The following RNF144B variants were observed in gnomAD, a reference collection of about 807,000 sequenced individuals.
RNF144B encodes the protein ring finger protein 144B.
RNF144B carries 25 observed loss-of-function variants against 40.2 expected under a neutral mutation model. The observed-to-expected ratio is 0.62, with a 90% CI of 0.45 to 0.87. The LOEUF (loss-of-function observed/expected upper bound fraction) is 0.87, where lower values mean the gene tolerates loss of function less well. Among genes scored for constraint, RNF144B ranks in the 40% least tolerant of loss-of-function variants. The probability of loss-of-function intolerance (pLI) is 0.00; values close to 1 mark genes in which losing one functional copy is unlikely to be tolerated. For missense variants in RNF144B, 365 were observed against 373.7 expected, an observed-to-expected ratio of 0.98 and a Z score of 0.19; for synonymous variants, 145 against 136.3, an observed-to-expected ratio of 1.06 and a Z score of -0.44.
At position 18,410,994 on chromosome 6, in the gene RNF144B, C is replaced by T. The variant is rs1396382123; in HGVS notation, c.165+11295C>T. Among the ~76,000 whole-genome samples the T allele has an allele frequency of 1.4e-5, 2 of 147,838 alleles. No individual in the cohort carries two copies. Among genetic ancestry groups the T allele is most frequent in the South Asian group, 2.1e-4 (1 of 4,684 alleles). ...TTCTTTTTTTTTCTTCTTTTCTTTTCTTTTTTTTTGAGACGGAGTCTCATT... is the reference window on the plus strand; with the variant it reads ...TTCTTTTTTTTTCTTCTTTTCTTTTTTTTTTTTTTGAGACGGAGTCTCATT... On this transcript the variant is annotated intron_variant, in intron 2 of 7. Coordinates refer to ENST00000259939, the MANE Select transcript of RNF144B (RefSeq NM_182757.4). This position sits in a 1 kb window ranked among gnomAD's most constrained non-coding sequence, Gnocchi z 4.6.
At chr6:18,399,394 G>T in intron 1 of RNF144B, 105 bp from the exon 2 acceptor site, 1 of 779,744 alleles carries the variant, frequency 1.3e-6, no homozygotes, top group Non-Finnish European at 2.0e-6. Context: ...TGTAAGTTTT[G>T]GGATAACTGA....
At chr6:18,407,991 T>C (rs909682675) in intron 2 of RNF144B, among the ~76,000 whole-genome samples, 2 of 149,934 alleles carry the variant, frequency 1.3e-5, no homozygotes, top group African/African-American at 4.9e-5. Flanking sequence ...TTTCTTTTTT[T>C]TTTTTTTTTT....
chr6:18,427,582 G>A lies in RNF144B; in HGVS notation c.167G>A (p.Cys56Tyr). 1 of 1,611,164 alleles carries A rather than the reference G, an allele frequency of 6.2e-7. No homozygotes were observed. The highest frequency in any genetic ancestry group is 8.5e-7 in the Non-Finnish European group (1 of 1,177,712). The change falls in exon 3 of 8, where the codon TGC (cysteine) becomes TAC (tyrosine). Residue 56 changes from cysteine (C) to tyrosine (Y), a missense_variant and splice_region_variant. By Grantham distance (194) the Cys-to-Tyr change is radical. Coordinates refer to ENST00000259939, the MANE Select transcript of RNF144B (RefSeq NM_182757.4). Reference protein sequence around the residue: ...QECQCIFCTACLKQYMQLAIR... With the variant: ...QECQCIFCTAYLKQYMQLAIR... ...TGTCTTTTTTTTCTTAACTTCCAGT[G>A]CCTGAAACAGTACATGCAGCTGGCA...
rs893922721 is a variant in RNF144B at position 18,416,102 on chromosome 6, G to A, written c.166-11479G>A. Reference sequence around the variant, plus strand: ...GGAGAAAGTAGAAGGATGTAAACTTGGCAAGCCTTCTTGTTTTCTTTCTCC... The same window carrying A: ...GGAGAAAGTAGAAGGATGTAAACTTAGCAAGCCTTCTTGTTTTCTTTCTCC... On this transcript the variant is annotated intron_variant, in intron 2 of 7. Transcript: ENST00000259939. The surrounding 1 kb of genome is among the most constrained non-coding windows in gnomAD (Gnocchi z 5.5). 2.6e-5 allele frequency among the ~76,000 whole-genome samples: 4 copies of A among 151,832 alleles called. No homozygotes were observed. The highest frequency in any genetic ancestry group is 4.4e-5 in the Non-Finnish European group (3 of 67,960).
chr6:18,463,517 G>C (rs1232468422), intron 7 of RNF144B, 137 bp downstream of exon 7: 1 of 622,758 alleles, frequency 1.6e-6, no homozygotes, highest in Non-Finnish European at 2.9e-6. Flanking sequence ...TGTTAGGGCA[G>C]GGCTAGGGAA....
chr6:18,448,908 C>T lies in RNF144B; in HGVS notation c.332-8247C>T, dbSNP rs1358957313. On this transcript the variant is annotated intron_variant, in intron 4 of 7. Transcript: ENST00000259939. The surrounding 1 kb of genome is among the most constrained non-coding windows in gnomAD (Gnocchi z 4.0). The stretch of plus-strand genomic sequence containing the variant: ...GTCCCTTTCAAAGAGTTTAAAGTCA[C>T]ACATTAAGGTTGAGGATTGGGGGAA... Among the ~76,000 whole-genome samples the T allele has an allele frequency of 1.3e-5, 2 of 152,200 alleles. No homozygotes were observed. The highest frequency in any genetic ancestry group is 6.6e-5 in the Admixed American group (1 of 15,262).
rs916890480 is a variant in RNF144B, at chr6:18,395,961, T to C, written c.-36-3538T>C. ...TTGGATTGTTCACATCTCAAGGAGA[T>C]GAAATATGTAACTTTTTTCCTCTAT... On this transcript the variant is annotated intron_variant, in intron 1 of 7. Transcript: ENST00000259939. This position sits in a 1 kb window ranked among gnomAD's most constrained non-coding sequence, Gnocchi z 4.5. Among the ~76,000 whole-genome samples the C allele has an allele frequency of 1.2e-4, 19 of 152,376 alleles. No homozygotes were observed. The highest frequency in any genetic ancestry group is 4.6e-4 in the African/African-American group (19 of 41,600).
chr6:18,422,733 G>A lies in RNF144B; in HGVS notation c.166-4848G>A, dbSNP rs943446969. 1.3e-5 allele frequency among the ~76,000 whole-genome samples: 2 copies of A among 152,114 alleles called. No homozygotes were observed. Among genetic ancestry groups the A allele is most frequent in the Admixed American group, 6.6e-5 (1 of 15,260 alleles). ...TCCCAGCACTTTGGGAAGCTGAGGC[G>A]ACAGGATTCTTTGAGCCCAGGAGTT... On this transcript the variant is annotated intron_variant, in intron 2 of 7. Transcript: ENST00000259939. The surrounding 1 kb of genome is among the most constrained non-coding windows in gnomAD (Gnocchi z 4.7).
intron 3 of RNF144B, among the ~76,000 whole-genome samples, chr6:18,437,528 A>C (rs1171543476): frequency 6.6e-6 from 1 of 152,214 alleles, no homozygotes; most frequent in Non-Finnish European, 1.5e-5. Context: ...TCATTCCAAA[A>C]GGACCAAATA....
chr6:18,464,966 G>C lies in RNF144B; in HGVS notation c.811G>C (p.Val271Leu), dbSNP rs145205552. Residue 271 changes from valine (V) to leucine (L), a missense_variant, in exon 8 of 8, where the codon GTT (valine) becomes CTT (leucine). Val to Leu is a conservative substitution (Grantham distance 32). Transcript: ENST00000259939. The surrounding 1 kb of genome is among the most constrained non-coding windows in gnomAD (Gnocchi z 6.1). ...CGTAGGCTTGGGCATCATTGCCTTG[G>C]TTACTTCACCCTTGTTACTCCTGGC... Reference protein sequence around the residue: ...ILVGLGIIALVTSPLLLLASP... With the variant: ...ILVGLGIIALLTSPLLLLASP... 1.9e-6 allele frequency: 3 copies of C among 1,613,800 alleles called. No homozygotes were observed. The African/African-American group carries it at 4.0e-5, about 22-fold the overall frequency.
chr6:18,432,457 T>C (rs950167901), intron 3 of RNF144B, among the ~76,000 whole-genome samples: 1 of 152,272 alleles, frequency 6.6e-6, no homozygotes, highest in Non-Finnish European at 1.5e-5. Flanking sequence ...GCTTTTGCTC[T>C]GCAGAGCTTT....
chr6:18,464,931 T>TGGGGATTCTCGTAGGCTTGGGC lies in RNF144B; in HGVS notation c.777_798dup (p.Ile267GlyfsTer104). 6.2e-7 allele frequency: 1 copy of TGGGGATTCTCGTAGGCTTGGGC among 1,613,926 alleles called. No homozygotes were observed. The highest frequency in any genetic ancestry group is 1.7e-5 in the Admixed American group (1 of 59,976). On this transcript the variant is annotated frameshift_variant, in exon 8 of 8. Coordinates refer to ENST00000259939, the MANE Select transcript of RNF144B (RefSeq NM_182757.4). LOFTEE classifies it high-confidence loss of function. This position sits in a 1 kb window ranked among gnomAD's most constrained non-coding sequence, Gnocchi z 6.1. The stretch of plus-strand genomic sequence containing the variant: ...GCTTTTCTTTGAAATTTCCAGGTGG[T>TGGGGATTCTCGTAGGCTTGGGC]GGGGATTCTCGTAGGCTTGGGCATC...
intron 3 of RNF144B, among the ~76,000 whole-genome samples, chr6:18,430,356 T>C (rs12205319): frequency 0.12 from 18,287 of 152,234 alleles, 1,318 homozygotes; most frequent in Admixed American, 0.19. Context: ...CACTGACATT[T>C]TGAGTATCTA....
At chr6:18,462,308 C>A (rs191131630) in intron 6 of RNF144B, among the ~76,000 whole-genome samples, 11 of 152,284 alleles carry the variant, frequency 7.2e-5, no homozygotes, top group Non-Finnish European at 1.6e-4. Flanking sequence ...TTGGCAGAAT[C>A]CAATAGTACT....
intron 6 of RNF144B, 27 bp from the exon 7 acceptor site, chr6:18,463,264 A>G: frequency 7.1e-7 from 1 of 1,405,546 alleles, no homozygotes; most frequent in Non-Finnish European, 1.0e-6. Context: ...CTGCATATTT[A>G]CTGAAATCAA....
chr6:18,391,808 C>T (rs1317577171), intron 1 of RNF144B, among the ~76,000 whole-genome samples: 1 of 150,946 alleles, frequency 6.6e-6, no homozygotes, highest in East Asian at 2.0e-4. Flanking sequence ...GCGGAGCTTG[C>T]AGTGAGCCGA....
Position 18,400,730 on chromosome 6 carries a change from G to A in RNF144B, c.165+1031G>A, listed in dbSNP as rs1253972492. ...ATGTCCCAGGAATGGTTCTAGGCAC[G>A]AGGATTTATCAGTTAAGGAAACAAA... On this transcript the variant is annotated intron_variant, in intron 2 of 7. Transcript: ENST00000259939. The surrounding 1 kb of genome is among the most constrained non-coding windows in gnomAD (Gnocchi z 5.6). 2.0e-5 allele frequency among the ~76,000 whole-genome samples: 3 copies of A among 152,190 alleles called. No individual in the cohort carries two copies. Among genetic ancestry groups the A allele is most frequent in the East Asian group, 3.8e-4 (2 of 5,202 alleles).
At chr6:18,420,149 G>C (rs1017298455) in intron 2 of RNF144B, among the ~76,000 whole-genome samples, 1 of 51,930 alleles carries the variant, frequency 1.9e-5, no homozygotes, top group South Asian at 1.1e-3. Context: ...GTAGTGTTTC[G>C]GGTTTCTGAT....
chr6:18,410,157 A>T lies in RNF144B; in HGVS notation c.165+10458A>T, dbSNP rs1795006039. Among the ~76,000 whole-genome samples, 1 of 152,118 alleles carries T rather than the reference A, an allele frequency of 6.6e-6. No homozygotes were observed. The highest frequency in any genetic ancestry group is 1.5e-5 in the Non-Finnish European group (1 of 68,018). ...GCAAAAGTTGGTTTCTGATGAGAGA[A>T]CTTTTCCATTGTTGCCACTAAGTCA... On this transcript the variant is annotated intron_variant, in intron 2 of 7. Transcript: ENST00000259939. The surrounding 1 kb of genome is among the most constrained non-coding windows in gnomAD (Gnocchi z 4.6).
Sources: gnomAD v4.1 joint callset for allele counts (sites outside exome capture counted in the v4.1 genomes callset) on GRCh38, gnomAD v4.1.1 for gene constraint, Gnocchi (gnomAD v3.1) non-coding constraint, MANE v1.5 for transcripts, NCBI Gene and HGNC (gene_info 2026-07-23, HGNC 2026-07-21) for gene names.